GP9: variants seen among roughly 807,000 people sequenced by gnomAD.
GP9 encodes platelet glycoprotein IX.
For missense variants in GP9, 228 were observed against 241.8 expected (o/e 0.94, Z 0.38); for synonymous variants, 116 against 116.7 (o/e 0.99, Z 0.04).
Position 129,061,945 on chromosome 3 carries a change from G to C in GP9, c.206G>C (p.Gly69Ala), listed in dbSNP as rs770361254. 1 of 1,613,916 alleles carries C rather than the reference G, an allele frequency of 6.2e-7. No individual in the cohort carries two copies. Among genetic ancestry groups the C allele is most frequent in the Admixed American group, 1.7e-5 (1 of 60,026 alleles). ...AACAGCCTTCAGTCCGTGCCCCCGG[G>C]AGCCTTTGACCACCTGCCCCAGCTG... is the stretch of plus-strand genomic sequence containing the variant. The part of the protein sequence containing the change: ...ANNSLQSVPP[G>A]AFDHLPQLQT... The change falls in exon 3 of 3, where the codon GGA (glycine) becomes GCA (alanine). Residue 69 changes from glycine (G) to alanine (A), a missense_variant. Coordinates refer to ENST00000307395, the MANE Select transcript of GP9 (RefSeq NM_000174.5).
Position 129,061,926 on chromosome 3 carries a change from C to A in GP9, c.187C>A (p.Leu63Ile), listed in dbSNP as rs753570637. 6.2e-7 allele frequency: 1 copy of A among 1,613,882 alleles called. No individual in the cohort carries two copies. Among genetic ancestry groups the A allele is most frequent in the Non-Finnish European group, 8.5e-7 (1 of 1,179,894 alleles). The change falls in exon 3 of 3, where the codon CTT (leucine) becomes ATT (isoleucine). Residue 63 changes from leucine (L) to isoleucine (I), a missense_variant. Leu to Ile is a conservative substitution (Grantham distance 5). Coordinates refer to ENST00000307395, the MANE Select transcript of GP9 (RefSeq NM_000174.5). ...TRHLLLANNS[L>I]QSVPPGAFDH... is the part of the protein sequence containing the mutation. ...CCACCTTCTGCTGGCCAACAACAGCCTTCAGTCCGTGCCCCCGGGAGCCTT... is the reference window on the plus strand; with the variant it reads ...CCACCTTCTGCTGGCCAACAACAGCATTCAGTCCGTGCCCCCGGGAGCCTT...
At chr3:129,055,950 G>GC (rs549633849), upstream of GP9, among the ~76,000 whole-genome samples, 115 of 152,112 alleles carry the variant, frequency 7.6e-4, no homozygotes, top group African/African-American at 2.6e-3. Context: ...TGGCTGTCAG[G>GC]CCCCCCTTTC....
chr3:129,055,849 T>A (rs1362355253), upstream of GP9, among the ~76,000 whole-genome samples: 3 of 152,158 alleles, frequency 2.0e-5, no homozygotes, highest in Non-Finnish European at 4.4e-5. Flanking sequence ...TTCATCATGT[T>A]GGCCAGGCTG....
intron 1 of GP9, among the ~76,000 whole-genome samples, chr3:129,061,273 C>T (rs115562920): frequency 0.011 from 1,668 of 152,326 alleles, 18 homozygotes; most frequent in Non-Finnish European, 0.017. Flanking sequence ...CTGTCTTCTG[C>T]ATCTGGGAAT....
At chr3:129,057,919 C>T (rs377089678), upstream of GP9, among the ~76,000 whole-genome samples, 9 of 151,250 alleles carry the variant, frequency 6.0e-5, no homozygotes, top group Admixed American at 3.3e-4. Flanking sequence ...CCACAGCCTC[C>T]GCTTCCTGGG....
chr3:129,057,928 G>T (rs890622888), upstream of GP9, among the ~76,000 whole-genome samples: 1 of 151,540 alleles, frequency 6.6e-6, no homozygotes, highest in Non-Finnish European at 1.5e-5. Flanking sequence ...CCGCTTCCTG[G>T]GTTCAAGTGA....
the GP9 span, among the ~76,000 whole-genome samples, chr3:129,055,479 G>T: frequency 2.6e-5 from 4 of 152,206 alleles, no homozygotes; most frequent in Non-Finnish European, 5.9e-5. Context: ...AGACAGCAAG[G>T]CTGAGAGGCA....
chr3:129,058,657 T>C (rs1946542747), upstream of GP9, among the ~76,000 whole-genome samples: 1 of 152,202 alleles, frequency 6.6e-6, no homozygotes, highest in Non-Finnish European at 1.5e-5. Context: ...CCACCCCTTT[T>C]CTAGAAAGTT....
chr3:129,062,384 G>C lies in GP9; in HGVS notation c.*111G>C, dbSNP rs1418359854. 1 of 731,660 alleles carries C rather than the reference G, an allele frequency of 1.4e-6. No individual in the cohort carries two copies. Among genetic ancestry groups the C allele is most frequent in the Non-Finnish European group, 2.2e-6 (1 of 446,534 alleles). 45.3% of individuals were successfully genotyped at this position (731,660 alleles called of 1,614,324 possible). ...AACCACCAGAAGCCCAGAATAAACT[G>C]GCAGCTCAGCTGTTTTATATAAGCT... On this transcript the variant is annotated 3_prime_UTR_variant, in exon 3 of 3. Coordinates refer to ENST00000307395, the MANE Select transcript of GP9 (RefSeq NM_000174.5).
chr3:129,055,683 T>A, the GP9 span, among the ~76,000 whole-genome samples: 2 of 151,684 alleles, frequency 1.3e-5, no homozygotes, highest in African/African-American at 2.4e-5. Context: ...CTTGCTCTGT[T>A]GCCCAGGCTG....
chr3:129,056,136 G>C (rs548691300), upstream of GP9, among the ~76,000 whole-genome samples: 145 of 152,334 alleles, frequency 9.5e-4, no homozygotes, highest in African/African-American at 3.0e-3. Flanking sequence ...GCAGAGATAG[G>C]CTAAGACTAT....
At chr3:129,057,830 C>CTTTT (rs869136524), upstream of GP9, among the ~76,000 whole-genome samples, 3 of 123,916 alleles carry the variant, frequency 2.4e-5, no homozygotes, top group Non-Finnish European at 3.5e-5. Flanking sequence ...TAGGTTGCTT[C>CTTTT]TTTTTTTTTT....
chr3:129,061,508 C>G lies in GP9; in HGVS notation c.-124C>G. The G allele has an allele frequency of 3.3e-6, 2 of 600,842 alleles. No homozygotes were observed. Among genetic ancestry groups the G allele is most frequent in the Non-Finnish European group, 5.9e-6 (2 of 336,760 alleles). The allele number at this position is 600,842 out of a possible 1,614,324, so 37.2% of individuals were successfully genotyped here. On this transcript the variant is annotated 5_prime_UTR_variant, in exon 2 of 3. Transcript: ENST00000307395. ...CCAATCCACAGCCGCCCTCACCGCC[C>G]GGCCTTCTACGGTGTCCAGAGACAG...
At position 129,061,509 on chromosome 3, in the gene GP9, G is replaced by C. The variant is rs536654587; in HGVS notation, c.-123G>C. 1 of 600,602 alleles carries C rather than the reference G, an allele frequency of 1.7e-6. No individual in the cohort carries two copies. The highest frequency in any genetic ancestry group is 2.8e-5 in the East Asian group (1 of 36,136). 37.2% of individuals were successfully genotyped at this position (600,602 alleles called of 1,614,324 possible). A position where few individuals can be genotyped will look rare whatever the true frequency, so the allele number is the denominator to read the frequency against. ...CAATCCACAGCCGCCCTCACCGCCCGGCCTTCTACGGTGTCCAGAGACAGT... is the reference window on the plus strand; with the variant it reads ...CAATCCACAGCCGCCCTCACCGCCCCGCCTTCTACGGTGTCCAGAGACAGT... On this transcript the variant is annotated 5_prime_UTR_variant, in exon 2 of 3. Coordinates refer to ENST00000307395, the MANE Select transcript of GP9 (RefSeq NM_000174.5).
chr3:129,060,598 G>A (rs1946562804), upstream of GP9, among the ~76,000 whole-genome samples: 4 of 152,256 alleles, frequency 2.6e-5, no homozygotes, highest in East Asian at 1.9e-4. Flanking sequence ...AGGCACTGGC[G>A]GCACAGTGGG....
At position 129,061,797 on chromosome 3, in the gene GP9, T is replaced by G. The variant is rs1946577709; in HGVS notation, c.58T>G (p.Cys20Gly). ...LWATAEATKDCPSPCTCRALE... is the reference protein window; with the variant it reads ...LWATAEATKDGPSPCTCRALE... ...GGCCACAGCAGAGGCCACCAAGGACTGCCCCAGCCCATGTACCTGCCGCGC... is the reference window on the plus strand; with the variant it reads ...GGCCACAGCAGAGGCCACCAAGGACGGCCCCAGCCCATGTACCTGCCGCGC... Residue 20 changes from cysteine (C) to glycine (G), a missense_variant, in exon 3 of 3, where the codon TGC becomes GGC. Cys to Gly is a radical substitution (Grantham distance 159). Coordinates refer to ENST00000307395, the MANE Select transcript of GP9 (RefSeq NM_000174.5). 6.2e-7 allele frequency: 1 copy of G among 1,612,968 alleles called. No homozygotes were observed. Among genetic ancestry groups the G allele is most frequent in the South Asian group, 1.1e-5 (1 of 90,982 alleles).
At chr3:129,060,248 G>A (rs1051818255), upstream of GP9, among the ~76,000 whole-genome samples, 3 of 152,242 alleles carry the variant, frequency 2.0e-5, no homozygotes, top group African/African-American at 7.2e-5. Context: ...GCCTACAGCT[G>A]TTTGTTAGAA....
upstream of GP9, among the ~76,000 whole-genome samples, chr3:129,057,805 A>C (rs1348058789): frequency 1.3e-5 from 2 of 151,866 alleles, no homozygotes; most frequent in Non-Finnish European, 2.9e-5. Flanking sequence ...AGGATTTTTC[A>C]AAAGGGCAGG....
chr3:129,061,338 T>C (rs920086966), intron 1 of GP9, among the ~76,000 whole-genome samples, 156 bp from the exon 2 acceptor site: 1 of 152,150 alleles, frequency 6.6e-6, no homozygotes, highest in Non-Finnish European at 1.5e-5. Context: ...TGCAGGGCCC[T>C]CCAAGGCTCT....
Sources: allele counts gnomAD v4.1 joint callset (sites outside exome capture counted in the v4.1 genomes callset), GRCh38; gene constraint gnomAD v4.1.1; transcripts MANE v1.5; gene names NCBI Gene and HGNC (gene_info 2026-07-23, HGNC 2026-07-21).